NEB: variants seen among roughly 807,000 people sequenced by gnomAD.
The protein encoded by NEB is nemaline myopathy type 2.
Under a neutral mutation model 952.2 loss-of-function variants are expected in NEB, and 512 were observed. That is an observed-to-expected ratio of 0.54 (90% CI 0.50 to 0.58). The LOEUF is 0.58. Ranked by LOEUF, NEB falls within the 20% of genes least tolerant of loss-of-function variation. NEB has a pLI of 0.00. For synonymous variants in NEB, 2,900 were observed against 3,149.8 expected (o/e 0.92, Z 2.66); for missense variants, 8,428 against 9,231.1 (o/e 0.91, Z 3.56).
At chr2:151,665,162 A>G (rs577252319) in intron 42 of NEB, among the ~76,000 whole-genome samples, 171 bp downstream of exon 42, 47 of 152,268 alleles carry the variant, frequency 3.1e-4, no homozygotes, top group African/African-American at 1.1e-3. Context: ...CTGAGGGGTC[A>G]CTATGAAAGA....
At chr2:151,702,655 T>C (rs1489056505) in intron 13 of NEB, among the ~76,000 whole-genome samples, 1 of 152,036 alleles carries the variant, frequency 6.6e-6, no homozygotes, top group East Asian at 1.9e-4. Context: ...TTTGTTGGTT[T>C]AAAGTCTGTT....
intron 129 of NEB, 84 bp downstream of exon 129, chr2:151,551,652 GGT>G: frequency 1.0e-6 from 1 of 999,192 alleles, no homozygotes; most frequent in East Asian, 2.5e-5. Flanking sequence ...TACAAGGTCA[GGT>G]CAAGAGGAAG....
chr2:151,634,932 C>A (rs2098728249), intron 64 of NEB, among the ~76,000 whole-genome samples: 1 of 152,166 alleles, frequency 6.6e-6, no homozygotes, highest in South Asian at 2.1e-4. Context: ...ATTCTGGAAT[C>A]TAAGCCAGTT....
At position 151,621,036 on chromosome 2, in the gene NEB, G is replaced by T; in HGVS notation, c.10453-10C>A. 6.3e-7 allele frequency: 1 copy of T among 1,586,762 alleles called. No homozygotes were observed. Among genetic ancestry groups the T allele is most frequent in the Non-Finnish European group, 8.6e-7 (1 of 1,161,816 alleles). ...CCTGACGATAGAGGCTCTGAGGAAA[G>T]AAGGAGTAGCTTTTAAATATAGAAT... is the stretch of plus-strand genomic sequence containing the variant. On this transcript the variant is annotated splice_polypyrimidine_tract_variant and intron_variant, in intron 71 of 181. Coordinates refer to ENST00000397345, the MANE Select transcript of NEB (RefSeq NM_001164508.2).
rs2096453351 is a variant in NEB at position 151,567,428 on chromosome 2, G to C, written c.17896C>G (p.Pro5966Ala). Reference protein sequence around the residue: ...VKQKGHYVGVPTMRDDPKLVW... With the variant: ...VKQKGHYVGVATMRDDPKLVW... ...AGCTTAGGATCATCTCTCATCGTCG[G>C]GACACCAACATAATGACCTTTTTGC... The change falls in exon 114 of 182, where the codon CCG becomes GCG. Residue 5966 changes from proline to alanine, a missense_variant. Transcript: ENST00000397345. The C allele has an allele frequency of 1.9e-6, 3 of 1,613,362 alleles. No homozygotes were observed. Among genetic ancestry groups the C allele is most frequent in the Non-Finnish European group, 2.5e-6 (3 of 1,179,648 alleles).
chr2:151,512,717 T>A lies in NEB; in HGVS notation c.23346+16A>T. 6.3e-7 allele frequency: 1 copy of A among 1,575,956 alleles called. No homozygotes were observed. Among genetic ancestry groups the A allele is most frequent in the Non-Finnish European group, 8.7e-7 (1 of 1,145,648 alleles). On this transcript the variant is annotated intron_variant, in intron 161 of 181. Coordinates refer to ENST00000397345, the MANE Select transcript of NEB (RefSeq NM_001164508.2). ...TGATTGGGGTTTATGAGTGATGGCA[T>A]GACGAATGTCCTTACCTGGCTTGAA...
Position 151,650,718 on chromosome 2 carries a change from C to T in NEB, c.7083G>A (p.Val2361=). 6.2e-7 allele frequency: 1 copy of T among 1,613,926 alleles called. No homozygotes were observed. Among genetic ancestry groups the T allele is most frequent in the South Asian group, 1.1e-5 (1 of 91,082 alleles). The change falls in exon 53 of 182, where the codon GTG becomes GTA. Residue 2361 remains valine, a synonymous_variant. Coordinates refer to ENST00000397345, the MANE Select transcript of NEB (RefSeq NM_001164508.2). ...EKWKTKFSSP[V]DMLGVVLAKK... ...TGGCCAGTACCACTCCCAACATGTC[C>T]ACTGGGCTGGAGAACTTAGTTTTCC...
intron 144 of NEB, 72 bp from the exon 145 acceptor site, chr2:151,531,173 GT>G (rs2090510881): frequency 2.0e-6 from 2 of 1,008,112 alleles, no homozygotes; most frequent in South Asian, 1.4e-5. Flanking sequence ...TAAATGCAAA[GT>G]TTTTTCCTGA....
chr2:151,633,679 C>G lies in NEB; in HGVS notation c.9389G>C (p.Arg3130Pro), dbSNP rs530692325. 6.2e-7 allele frequency: 1 copy of G among 1,613,220 alleles called. No homozygotes were observed. Among genetic ancestry groups the G allele is most frequent in the Non-Finnish European group, 8.5e-7 (1 of 1,179,252 alleles). Residue 3130 changes from arginine to proline, a missense_variant, in exon 65 of 182, where the codon CGG becomes CCG. Transcript: ENST00000397345. ...GTCACTCTGGAGGTCATAGGCCTGC[C>G]GAGCATGGATGACATCGCTCTGGTC... Reference protein sequence around the residue: ...LPDQSDVIHARQAYDLQSDNI... With the variant: ...LPDQSDVIHAPQAYDLQSDNI...
At chr2:151,625,485 G>A (rs778217611) in intron 71 of NEB, 49 bp downstream of exon 71, 29 of 1,358,024 alleles carry the variant, frequency 2.1e-5, no homozygotes, top group South Asian at 1.2e-4. Context: ...TTCCTACATC[G>A]GCAACAATCA....
chr2:151,665,757 C>A (rs2099208237), intron 41 of NEB, among the ~76,000 whole-genome samples: 1 of 152,148 alleles, frequency 6.6e-6, no homozygotes, highest in African/African-American at 2.4e-5. Context: ...ATTCCTTTAA[C>A]AAGTTAACTT....
At chr2:151,510,650 CTATTT>C (rs1282559732) in intron 161 of NEB, among the ~76,000 whole-genome samples, 13 of 152,098 alleles carry the variant, frequency 8.5e-5, no homozygotes, top group Non-Finnish European at 1.5e-4. Context: ...TATAATTGTT[CTATTT>C]TATTAGTTAT....
chr2:151,640,873 T>C (rs66468516), intron 60 of NEB, among the ~76,000 whole-genome samples: 15,902 of 151,940 alleles, frequency 0.1, 1,456 homozygotes, highest in African/African-American at 0.24. Context: ...ACCATATAGA[T>C]AGGCATTACT....
intron 55 of NEB, among the ~76,000 whole-genome samples, chr2:151,645,463 G>A (rs1017091926): frequency 2.6e-5 from 4 of 152,120 alleles, no homozygotes; most frequent in Non-Finnish European, 4.4e-5. Flanking sequence ...TTAAGTGAAA[G>A]AATTTGTTTT....
intron 3 of NEB, among the ~76,000 whole-genome samples, chr2:151,731,502 A>T (rs1159764885): frequency 2.0e-5 from 3 of 152,074 alleles, no homozygotes; most frequent in Admixed American, 6.6e-5. Context: ...CATTTTTTCG[A>T]ATGCACCACC....
rs773150011 is a variant in NEB at position 151,631,199 on chromosome 2, C to T, written c.9562G>A (p.Val3188Met). The T allele has an allele frequency of 5.0e-6, 8 of 1,613,928 alleles. No individual in the cohort carries two copies. In the Admixed American group the frequency reaches 1.3e-4, roughly 27 times the overall value. The change falls in exon 66 of 182, where the codon GTG becomes ATG. Residue 3188 changes from valine (V) to methionine (M), a missense_variant. Physicochemically the swap from Val to Met is conservative, Grantham distance 21. Coordinates refer to ENST00000397345, the MANE Select transcript of NEB (RefSeq NM_001164508.2). ...QPPDKLKFTS[V>M]TDSLEQVLAK... The stretch of plus-strand genomic sequence containing the variant: ...AGCACCTGCTCTAGAGAATCAGTCA[C>T]ACTGGTAAATTTCAGCTTGTCCGGA...
At chr2:151,629,674 G>A (rs753477337) in intron 67 of NEB, 28 bp from the exon 68 acceptor site, 3 of 1,577,108 alleles carry the variant, frequency 1.9e-6, no homozygotes, top group Non-Finnish European at 2.6e-6. Context: ...AAGAGTTAAA[G>A]CAAAAGGTTT....
intron 68 of NEB, among the ~76,000 whole-genome samples, chr2:151,628,484 A>G (rs967363977): frequency 6.6e-6 from 1 of 152,168 alleles, no homozygotes; most frequent in African/African-American, 2.4e-5. Flanking sequence ...GTAAGGGCAA[A>G]CTGGATATTT....
chr2:151,729,756 G>T, intron 3 of NEB, 100 bp from the exon 4 acceptor site: 1 of 1,221,734 alleles, frequency 8.2e-7, no homozygotes, highest in South Asian at 1.2e-5. Context: ...TAGCTCGGTT[G>T]ATTTGGAATG....
Sources: allele counts gnomAD v4.1 joint callset (sites outside exome capture counted in the v4.1 genomes callset), GRCh38; gene constraint gnomAD v4.1.1; transcripts MANE v1.5; gene names NCBI Gene and HGNC (gene_info 2026-07-23, HGNC 2026-07-21).